The following SDC2 variants were observed in gnomAD, a reference collection of about 807,000 sequenced individuals.
SDC2 encodes the protein syndecan 2, also known as syndecan-2.
In SDC2, 13 loss-of-function variants were observed where a neutral mutation model predicts 22.2. That is an observed-to-expected ratio of 0.59 (90% CI 0.38 to 0.93). The LOEUF (loss-of-function observed/expected upper bound fraction) is 0.93. Among genes scored for constraint, SDC2 ranks in the 40% least tolerant of loss-of-function variants. The pLI is 0.00. For missense variants in SDC2, 235 were observed against 246.8 expected, an observed-to-expected ratio of 0.95 and a Z score of 0.32; for synonymous variants, 94 against 92.8, an observed-to-expected ratio of 1.01 and a Z score of -0.07.
At chr8:96,549,087 T>A (rs989776623) in intron 1 of SDC2, among the ~76,000 whole-genome samples, 3 of 152,224 alleles carry the variant, frequency 2.0e-5, no homozygotes, top group Non-Finnish European at 4.4e-5. Flanking sequence ...TAGGAAATTA[T>A]ATCTGTCAGA....
chr8:96,546,956 C>A (rs1264333190), intron 1 of SDC2, among the ~76,000 whole-genome samples: 3 of 152,196 alleles, frequency 2.0e-5, no homozygotes, highest in Non-Finnish European at 1.5e-5. Flanking sequence ...GAGCATCCTG[C>A]TGTGAATTCT....
intron 1 of SDC2, among the ~76,000 whole-genome samples, chr8:96,570,129 T>G (rs1311799661): frequency 6.6e-6 from 1 of 152,168 alleles, no homozygotes; most frequent in Admixed American, 6.5e-5. Flanking sequence ...ATCACTATCC[T>G]CTCCATTTTA....
chr8:96,514,359 A>C (rs971930463), intron 1 of SDC2, among the ~76,000 whole-genome samples: 1 of 152,156 alleles, frequency 6.6e-6, no homozygotes, highest in African/African-American at 2.4e-5. Flanking sequence ...GAAGAATGTA[A>C]AGGGAAAGTA....
At chr8:96,596,062 C>G (rs760945093) in intron 2 of SDC2, among the ~76,000 whole-genome samples, 86 of 152,218 alleles carry the variant, frequency 5.6e-4, no homozygotes, top group Non-Finnish European at 1.1e-3. Context: ...AGAAACTACT[C>G]TAACCCCTAT....
chr8:96,529,355 T>C (rs1240486302), intron 1 of SDC2: 1 of 152,214 alleles, frequency 6.6e-6, no homozygotes, highest in African/African-American at 2.4e-5. Flanking sequence ...GTAATTTTTA[T>C]TTGCTTATTT....
At chr8:96,574,333 G>A (rs1814451878) in intron 1 of SDC2, among the ~76,000 whole-genome samples, 1 of 152,142 alleles carries the variant, frequency 6.6e-6, no homozygotes, top group Non-Finnish European at 1.5e-5. Flanking sequence ...AGAAAGAAGT[G>A]AGATCACAGT....
intron 1 of SDC2, among the ~76,000 whole-genome samples, chr8:96,520,530 GT>G (rs1813480581): frequency 6.6e-6 from 1 of 152,266 alleles, no homozygotes; most frequent in South Asian, 2.1e-4. Flanking sequence ...TATATGTGAT[GT>G]TCAGCTTGTG....
chr8:96,543,724 C>T (rs185737744), intron 1 of SDC2, among the ~76,000 whole-genome samples: 43 of 152,184 alleles, frequency 2.8e-4, no homozygotes, highest in African/African-American at 9.6e-4. Flanking sequence ...TCAGCCTGAG[C>T]CAAATGCTCA....
chr8:96,603,887 G>T (rs1353113749), intron 3 of SDC2, among the ~76,000 whole-genome samples: 1 of 152,132 alleles, frequency 6.6e-6, no homozygotes, highest in Non-Finnish European at 1.5e-5. Flanking sequence ...CGACTCACCT[G>T]GCATGTGCTG....
At chr8:96,580,499 A>G in intron 1 of SDC2, 24 of 985,396 alleles carry the variant, frequency 2.4e-5, no homozygotes, top group South Asian at 9.4e-5. Context: ...TGTGAGCATC[A>G]TGACTACAGA....
chr8:96,559,777 G>A (rs897213903), intron 1 of SDC2, among the ~76,000 whole-genome samples: 21 of 152,158 alleles, frequency 1.4e-4, no homozygotes, highest in African/African-American at 5.1e-4. Flanking sequence ...ACCAAGTGTG[G>A]AATCCATCCA....
At chr8:96,535,723 T>C (rs1174106060) in intron 1 of SDC2, among the ~76,000 whole-genome samples, 2 of 152,236 alleles carry the variant, frequency 1.3e-5, no homozygotes, top group Non-Finnish European at 2.9e-5. Context: ...TTAAGTTTTA[T>C]ATCCACATGC....
At chr8:96,540,064 A>G (rs1272405003) in intron 1 of SDC2, among the ~76,000 whole-genome samples, 1 of 151,492 alleles carries the variant, frequency 6.6e-6, no homozygotes, top group Non-Finnish European at 1.5e-5. Flanking sequence ...TTCAAGAAAT[A>G]GGAAGAAAAA....
At position 96,588,379 on chromosome 8, in the gene SDC2, C is replaced by T. The variant is rs1421943974; in HGVS notation, c.61-5101C>T. Among the ~76,000 whole-genome samples, 3 of 152,150 alleles carry T rather than the reference C, an allele frequency of 2.0e-5. No individual in the cohort carries two copies. In the East Asian group the frequency reaches 5.8e-4, roughly 29 times the overall value. On this transcript the variant is annotated intron_variant, in intron 1 of 4. Transcript: ENST00000302190. The stretch of plus-strand genomic sequence containing the variant: ...CATCTCTGAGTGACTGTGTGGGTGA[C>T]ATAAATTTTTAGCTAATTATTATTT...
intron 1 of SDC2, among the ~76,000 whole-genome samples, chr8:96,539,089 C>G (rs2582830): frequency 6.6e-6 from 1 of 152,088 alleles, no homozygotes; most frequent in Admixed American, 6.5e-5. Flanking sequence ...TCTAAAAGGC[C>G]GCATTTATGC....
intron 3 of SDC2, 23 bp from the exon 4 acceptor site, chr8:96,608,312 T>C (rs78894418): frequency 0.025 from 39,640 of 1,605,652 alleles, 593 homozygotes; most frequent in Middle Eastern, 0.031. Context: ...ATCAATGTAA[T>C]CTTTCCCTGT....
Position 96,503,037 on chromosome 8 carries a change from T to C in SDC2, c.60+8706T>C, listed in dbSNP as rs558937400. Among the ~76,000 whole-genome samples the C allele has an allele frequency of 6.6e-5, 10 of 152,318 alleles. No individual in the cohort carries two copies. In the South Asian group the frequency reaches 2.1e-3, roughly 32 times the overall value. On this transcript the variant is annotated intron_variant, in intron 1 of 4. Coordinates refer to ENST00000302190, the MANE Select transcript of SDC2 (RefSeq NM_002998.4). ...GTCTTGGGGTAGACTAGTTCTACGC[T>C]GAGATATTGGGAATATGTTTGTAGT...
rs146286204 is a variant in SDC2 at position 96,521,618 on chromosome 8, A to T, written c.60+27287A>T. On this transcript the variant is annotated intron_variant, in intron 1 of 4. Transcript: ENST00000302190. Reference sequence around the variant, plus strand: ...GGTAACAAAAGACTCTGTCAAAAAAATATGTCTATTTAGAGTTCTTTGAGA... The same window carrying T: ...GGTAACAAAAGACTCTGTCAAAAAATTATGTCTATTTAGAGTTCTTTGAGA... Among the ~76,000 whole-genome samples, 861 of 152,338 alleles carry T rather than the reference A, an allele frequency of 5.7e-3. 12 individuals are homozygous for T. Among genetic ancestry groups the T allele is most frequent in the African/African-American group, 0.02 (825 of 41,568 alleles).
At chr8:96,534,927 TTTC>T (rs1380594791) in intron 1 of SDC2, among the ~76,000 whole-genome samples, 2 of 152,218 alleles carry the variant, frequency 1.3e-5, no homozygotes, top group Non-Finnish European at 2.9e-5. Context: ...TTAACCTTTT[TTTC>T]TTCTATCACA....
Sources: gnomAD v4.1 joint callset for allele counts (sites outside exome capture counted in the v4.1 genomes callset) on GRCh38, gnomAD v4.1.1 for gene constraint, MANE v1.5 for transcripts, NCBI Gene and HGNC (gene_info 2026-07-23, HGNC 2026-07-21) for gene names.